Variants in HNRNPLL observed in about 807,000 individuals in gnomAD.
HNRNPLL encodes heterogeneous nuclear ribonucleoprotein L like, also known as heterogeneous nuclear ribonucleoprotein L-like.
A neutral mutation model predicts 67.1 loss-of-function variants in HNRNPLL; 25 were observed. That is an observed-to-expected ratio of 0.37 (90% CI 0.27 to 0.52). The LOEUF (loss-of-function observed/expected upper bound fraction) is 0.52, where lower values mean the gene tolerates loss of function less well. HNRNPLL is among the 20% of genes least tolerant of loss of function. HNRNPLL has a pLI of 0.90. For missense variants in HNRNPLL, 542 were observed against 673.9 expected (o/e 0.80, Z 2.17); for synonymous variants, 267 against 241.7 (o/e 1.10, Z -0.97).
At position 38,583,872 on chromosome 2, in the gene HNRNPLL, A is replaced by C. The variant is rs779381813; in HGVS notation, c.601T>G (p.Phe201Val). Residue 201 changes from phenylalanine (F) to valine (V), a missense_variant, in exon 4 of 13, where the codon TTC becomes GTC. Around this residue, in one of 2 missense-constraint regions of HNRNPLL, gnomAD observed 415 missense variants for 575.2 expected, o/e 0.72. Transcript: ENST00000449105. ...ATTGCTTGTATCCCATTTCTCTTGA[A>C]TATAACAATACGTTGCACTTTGCCA... Reference protein sequence around the residue: ...PVGKVQRIVIFKRNGIQAMVE... With the variant: ...PVGKVQRIVIVKRNGIQAMVE... The C allele has an allele frequency of 6.4e-7, 1 of 1,567,258 alleles. No individual in the cohort carries two copies. Among genetic ancestry groups the C allele is most frequent in the African/African-American group, 1.4e-5 (1 of 73,688 alleles).
chr2:38,589,387 A>AT lies in HNRNPLL; in HGVS notation c.308+2142dup, dbSNP rs781279780. Among the ~76,000 whole-genome samples, 3 of 152,332 alleles carry AT rather than the reference A, an allele frequency of 2.0e-5. No homozygotes were observed. The East Asian group carries it at 5.8e-4, about 29-fold the overall frequency. ...AAAGGGAAAGTTTCCAAATTGTAACATTTTGAAGCAAAATTTCTATTGGAA... is the reference window on the plus strand; with the variant it reads ...AAAGGGAAAGTTTCCAAATTGTAACATTTTTGAAGCAAAATTTCTATTGGAA... On this transcript the variant is annotated intron_variant, in intron 2 of 12. Coordinates refer to ENST00000449105, the MANE Select transcript of HNRNPLL (RefSeq NM_138394.4).
chr2:38,591,734 G>GACCTCCCAAAGT, intron 1 of HNRNPLL, 86 bp from the exon 2 acceptor site: 4 of 778,618 alleles, frequency 5.1e-6, no homozygotes, highest in Non-Finnish European at 8.5e-6. Flanking sequence ...CCTGCACTTT[G>GACCTCCCAAAGT]GGAGGTCAAA....
intron 8 of HNRNPLL, among the ~76,000 whole-genome samples, chr2:38,570,390 C>G (rs966071510): frequency 3.3e-5 from 5 of 152,076 alleles, no homozygotes; most frequent in Admixed American, 2.0e-4. Flanking sequence ...GTAGTTAAGT[C>G]AGAAATTTAA....
At chr2:38,580,499 A>G (rs1325832192) in intron 6 of HNRNPLL, among the ~76,000 whole-genome samples, 2 of 152,212 alleles carry the variant, frequency 1.3e-5, no homozygotes, top group Non-Finnish European at 2.9e-5. Context: ...GCTAGAGTAC[A>G]TGCACTATAG....
chr2:38,598,444 A>G (rs1247051057), intron 1 of HNRNPLL, among the ~76,000 whole-genome samples: 3 of 152,332 alleles, frequency 2.0e-5, no homozygotes, highest in African/African-American at 7.2e-5. Flanking sequence ...ATGGGCCAAT[A>G]AATCTTCTAC....
At chr2:38,578,155 G>A (rs1171380575) in intron 6 of HNRNPLL, among the ~76,000 whole-genome samples, 1 of 151,942 alleles carries the variant, frequency 6.6e-6, no homozygotes, top group Admixed American at 6.6e-5. Flanking sequence ...ATAACACCAG[G>A]TAGGACTATG....
rs763787028 is a variant in HNRNPLL, at chr2:38,577,441, T to C, written c.874+20A>G. 3.6e-5 allele frequency: 54 copies of C among 1,494,184 alleles called. No individual in the cohort carries two copies. The Middle Eastern group carries it at 5.1e-4, about 14-fold the overall frequency. The allele number at this position is 1,494,184 out of a possible 1,614,324, so 92.6% of individuals were successfully genotyped here. A position where few individuals can be genotyped will look rare whatever the true frequency, so the allele number is the denominator to read the frequency against. ...CAAACAGTTCATCTATACTACCTTC[T>C]TTCTACCTTGACAACTTACCATAGC... On this transcript the variant is annotated intron_variant, in intron 7 of 12. Coordinates refer to ENST00000449105, the MANE Select transcript of HNRNPLL (RefSeq NM_138394.4).
chr2:38,572,759 T>C (rs1408167383), intron 8 of HNRNPLL, among the ~76,000 whole-genome samples: 3 of 152,038 alleles, frequency 2.0e-5, no homozygotes, highest in East Asian at 1.9e-4. Flanking sequence ...CCGAAGATAA[T>C]AGAACCCTGG....
At chr2:38,573,633 T>C (rs1666181115) in intron 7 of HNRNPLL, among the ~76,000 whole-genome samples, 2 of 151,870 alleles carry the variant, frequency 1.3e-5, no homozygotes, top group African/African-American at 4.8e-5. Flanking sequence ...CCAGATACAA[T>C]ATATATTGAC....
In HNRNPLL at chr2:38,568,235, G is replaced by C; in HGVS notation, c.1537C>G (p.Leu513Val). 1.9e-6 allele frequency: 3 copies of C among 1,613,278 alleles called. No homozygotes were observed. Among genetic ancestry groups the C allele is most frequent in the Non-Finnish European group, 2.5e-6 (3 of 1,179,464 alleles). Residue 513 changes from leucine (L) to valine (V), a missense_variant, in exon 12 of 13, where the codon CTT becomes GTT. Coordinates refer to ENST00000449105, the MANE Select transcript of HNRNPLL (RefSeq NM_138394.4). ...WECKTDAVEA[L>V]TALNHYQIRV... ...ATCTGATAGTGATTCAGTGCCGTAA[G>C]GGCTTCTACTGCATCAGTTTTGCAC...
chr2:38,568,077 T>G, intron 12 of HNRNPLL, 122 bp downstream of exon 12: 1 of 631,928 alleles, frequency 1.6e-6, no homozygotes, highest in Non-Finnish European at 2.7e-6. Context: ...ATGCCTTTCT[T>G]TTTTGTATTT....
At chr2:38,582,950 A>G (rs1393281826) in intron 4 of HNRNPLL, among the ~76,000 whole-genome samples, 1 of 152,136 alleles carries the variant, frequency 6.6e-6, no homozygotes, top group Non-Finnish European at 1.5e-5. Flanking sequence ...CTTTTAGGTC[A>G]TCATTAGTAC....
intron 12 of HNRNPLL, among the ~76,000 whole-genome samples, chr2:38,565,725 C>T (rs10202548): frequency 1.6e-5 from 1 of 60,922 alleles, no homozygotes; most frequent in Non-Finnish European, 2.7e-5. Context: ...AAGACCCTGT[C>T]TCAAAAAAAA....
chr2:38,595,646 T>A (rs892403396), intron 1 of HNRNPLL, among the ~76,000 whole-genome samples: 1 of 151,974 alleles, frequency 6.6e-6, no homozygotes, highest in Non-Finnish European at 1.5e-5. Context: ...GAGTTTGAGA[T>A]CAGCCTGGCC....
intron 1 of HNRNPLL, chr2:38,600,170 T>C (rs193235598): frequency 5.1e-5 from 11 of 217,500 alleles, no homozygotes; most frequent in South Asian, 2.7e-4. Flanking sequence ...TTAGATTTCA[T>C]AGTACAATGA....
intron 12 of HNRNPLL, among the ~76,000 whole-genome samples, chr2:38,564,813 G>T (rs1665794001): frequency 6.6e-6 from 1 of 151,614 alleles, no homozygotes; most frequent in Non-Finnish European, 1.5e-5. Context: ...GGATTAAGCA[G>T]CAAAGCTCAC....
Position 38,602,531 on chromosome 2 carries a change from G to C in HNRNPLL, c.96C>G (p.Ile32Met), listed in dbSNP as rs747433177. The C allele has an allele frequency of 6.4e-7, 1 of 1,556,944 alleles. No homozygotes were observed. The highest frequency in any genetic ancestry group is 8.7e-7 in the Non-Finnish European group (1 of 1,151,366). ...TCTCGCCTTCCTCGGCCGAGTAGTC[G>C]ATCTCCCCCTCCTCGGTCTTGAGAC... ...AKRLKTEEGE[I>M]DYSAEEGENR... The change falls in exon 1 of 13, where the codon ATC (isoleucine) becomes ATG (methionine). Residue 32 changes from isoleucine (I) to methionine (M), a missense_variant. By Grantham distance (10) the Ile-to-Met change is conservative. Around this residue, in one of 2 missense-constraint regions of HNRNPLL, gnomAD observed 127 missense variants for 98.7 expected, o/e 1.29. Coordinates refer to ENST00000449105, the MANE Select transcript of HNRNPLL (RefSeq NM_138394.4).
chr2:38,570,493 T>C (rs562958205), intron 8 of HNRNPLL, among the ~76,000 whole-genome samples: 1 of 152,214 alleles, frequency 6.6e-6, no homozygotes, highest in Admixed American at 6.5e-5. Context: ...AGCCTTGAGA[T>C]AGCATGGTCA....
At chr2:38,564,264 T>G (rs1573714200) in intron 12 of HNRNPLL, 27 bp from the exon 13 acceptor site, 1 of 1,280,078 alleles carries the variant, frequency 7.8e-7, no homozygotes, top group Non-Finnish European at 1.1e-6. Context: ...ACAGTTAATA[T>G]TTCACTTCAT....
Sources: gnomAD v4.1 joint callset for allele counts (sites outside exome capture counted in the v4.1 genomes callset) on GRCh38, gnomAD v4.1.1 for gene constraint, gnomAD v4.1.1 regional missense constraint, MANE v1.5 for transcripts, NCBI Gene and HGNC (gene_info 2026-07-23, HGNC 2026-07-21) for gene names.